The following ROBO1 variants were observed in gnomAD, a reference collection of about 807,000 sequenced individuals.
ROBO1 encodes the protein roundabout homolog 1.
A neutral mutation model predicts 195.9 loss-of-function variants in ROBO1; 149 were observed. The ratio of observed to expected loss-of-function variants is 0.76; its 90% confidence interval spans 0.67 to 0.87. The LOEUF (loss-of-function observed/expected upper bound fraction) is 0.87, where lower values mean the gene tolerates loss of function less well. Ranked by LOEUF, ROBO1 falls within the 40% of genes least tolerant of loss-of-function variation. The probability of loss-of-function intolerance (pLI) is 0.00; values close to 1 mark genes in which losing one functional copy is unlikely to be tolerated. For missense variants in ROBO1, 1,933 were observed against 2,068.3 expected, an observed-to-expected ratio of 0.93 and a Z score of 1.27; for synonymous variants, 816 against 733.2, an observed-to-expected ratio of 1.11 and a Z score of -1.82.
At chr3:78,856,640 G>A (rs2034457629) in intron 4 of ROBO1, among the ~76,000 whole-genome samples, 1 of 150,146 alleles carries the variant, frequency 6.7e-6, no homozygotes, top group Non-Finnish European at 1.5e-5. Flanking sequence ...ATAAAAATAA[G>A]AAAATAATAA....
chr3:79,725,036 T>C (rs1437323908), intron 1 of ROBO1, among the ~76,000 whole-genome samples: 1 of 152,088 alleles, frequency 6.6e-6, no homozygotes. Flanking sequence ...TTCCAGTACC[T>C]TGGGTTTGTA....
chr3:79,218,583 A>G (rs975919459), intron 2 of ROBO1, among the ~76,000 whole-genome samples: 7 of 152,070 alleles, frequency 4.6e-5, no homozygotes, highest in African/African-American at 1.4e-4. Flanking sequence ...ATGATTGCAA[A>G]TAAAGTATTG....
intron 3 of ROBO1, among the ~76,000 whole-genome samples, chr3:79,040,487 T>C (rs1169878435): frequency 6.6e-6 from 1 of 152,182 alleles, no homozygotes; most frequent in African/African-American, 2.4e-5. Context: ...GCCTACTCAT[T>C]TAATGGGTAA....
At chr3:79,062,274 A>G (rs1302346268) in intron 3 of ROBO1, among the ~76,000 whole-genome samples, 2 of 152,184 alleles carry the variant, frequency 1.3e-5, no homozygotes, top group Admixed American at 1.3e-4. Context: ...TCATTAGAGA[A>G]ATGCAAATCA....
intron 2 of ROBO1, among the ~76,000 whole-genome samples, chr3:79,485,174 T>C (rs1023364213): frequency 6.6e-6 from 1 of 152,184 alleles, no homozygotes; most frequent in Non-Finnish European, 1.5e-5. Flanking sequence ...CATCAATAAA[T>C]ATTTGTTGAA....
chr3:79,743,245 T>C lies in ROBO1; in HGVS notation c.-51+24507A>G, dbSNP rs556432164. Among the ~76,000 whole-genome samples the C allele has an allele frequency of 3.3e-5, 5 of 152,316 alleles. No homozygotes were observed. In the East Asian group the frequency reaches 9.7e-4, roughly 29 times the overall value. On this transcript the variant is annotated intron_variant, in intron 1 of 30. Coordinates refer to ENST00000464233, the MANE Select transcript of ROBO1 (RefSeq NM_002941.4). ...GAGCTATAGAACATACCCTATTGCT[T>C]CTAGACTGCAAACCTGTACAAAAGG...
intron 3 of ROBO1, among the ~76,000 whole-genome samples, chr3:79,106,163 T>C (rs2079775674): frequency 6.6e-6 from 1 of 151,762 alleles, no homozygotes. Context: ...GCAAATTGTC[T>C]GCTTTAAAAA....
At chr3:79,236,680 T>A (rs1261999491) in intron 2 of ROBO1, among the ~76,000 whole-genome samples, 1 of 152,136 alleles carries the variant, frequency 6.6e-6, no homozygotes, top group East Asian at 1.9e-4. Flanking sequence ...CAGAGACATA[T>A]CTAAAGTAAA....
chr3:79,359,030 T>C (rs1157345316), intron 2 of ROBO1, among the ~76,000 whole-genome samples: 2 of 152,064 alleles, frequency 1.3e-5, no homozygotes, highest in East Asian at 1.9e-4. Flanking sequence ...ATGTGTTTCT[T>C]CAGACACCAG....
chr3:79,515,999 G>A (rs1051997440), intron 2 of ROBO1, among the ~76,000 whole-genome samples: 1 of 152,072 alleles, frequency 6.6e-6, no homozygotes, highest in Non-Finnish European at 1.5e-5. Context: ...CTTTAACAAG[G>A]AAAAGGAAGT....
chr3:78,660,930 A>AT, intron 16 of ROBO1, 100 bp downstream of exon 16: 1 of 819,712 alleles, frequency 1.2e-6, no homozygotes, highest in Non-Finnish European at 1.9e-6. Flanking sequence ...AAAGTTAGTA[A>AT]TTAATGCCAC....
At chr3:78,915,999 C>T (rs331183) in intron 4 of ROBO1, among the ~76,000 whole-genome samples, 52,381 of 151,768 alleles carry the variant, frequency 0.35, 9,382 homozygotes, top group African/African-American at 0.44. Flanking sequence ...CGCCTGTAAT[C>T]CCAGCACTTT....
intron 21 of ROBO1, 42 bp from the exon 22 acceptor site, chr3:78,639,940 G>A (rs1262529169): frequency 2.1e-6 from 3 of 1,425,432 alleles, no homozygotes; most frequent in Non-Finnish European, 2.8e-6. Context: ...TATATGAATA[G>A]AGAGTAATAT....
chr3:78,692,242 T>C (rs1398532881), intron 8 of ROBO1, among the ~76,000 whole-genome samples: 2 of 152,112 alleles, frequency 1.3e-5, no homozygotes, highest in Middle Eastern at 6.3e-3. Context: ...GAAAAGTCAC[T>C]TTTATAATAT....
intron 2 of ROBO1, among the ~76,000 whole-genome samples, chr3:79,291,252 T>C (rs2032228696): frequency 6.6e-6 from 1 of 152,178 alleles, no homozygotes; most frequent in African/African-American, 2.4e-5. Flanking sequence ...TCCCATGATA[T>C]TAATAGAAAC....
chr3:79,488,215 T>C (rs538482828), intron 2 of ROBO1, among the ~76,000 whole-genome samples: 25 of 152,296 alleles, frequency 1.6e-4, no homozygotes, highest in Admixed American at 2.0e-4. Flanking sequence ...AGAGGTAAAA[T>C]TGTATAACTT....
chr3:79,706,017 T>C (rs2107191183), intron 1 of ROBO1, among the ~76,000 whole-genome samples: 1 of 152,270 alleles, frequency 6.6e-6, no homozygotes, highest in Admixed American at 6.5e-5. Flanking sequence ...CCTTGTGTCC[T>C]GAAACCTGCC....
chr3:79,349,772 T>C (rs2035269359), intron 2 of ROBO1, among the ~76,000 whole-genome samples: 1 of 152,162 alleles, frequency 6.6e-6, no homozygotes, highest in Non-Finnish European at 1.5e-5. Context: ...ATGCAAAAAC[T>C]GGGCTCTTGT....
chr3:78,657,588 C>G (rs532948855), intron 17 of ROBO1, among the ~76,000 whole-genome samples: 25 of 152,248 alleles, frequency 1.6e-4, no homozygotes, highest in Middle Eastern at 6.8e-3. Flanking sequence ...TTTTTAACAC[C>G]AACACATTAT....
Sources: allele counts gnomAD v4.1 joint callset (sites outside exome capture counted in the v4.1 genomes callset), GRCh38; gene constraint gnomAD v4.1.1; transcripts MANE v1.5; gene names NCBI Gene and HGNC (gene_info 2026-07-23, HGNC 2026-07-21).